MRC1: variants seen among roughly 807,000 people sequenced by gnomAD.
MRC1 encodes the protein macrophage mannose receptor 1.
Under a neutral mutation model 102.9 loss-of-function variants are expected in MRC1, and 62 were observed. The ratio of observed to expected loss-of-function variants is 0.60; its 90% CI spans 0.49 to 0.74. MRC1 has a LOEUF of 0.74. Among genes scored for constraint, MRC1 ranks in the 30% least tolerant of loss-of-function variants. The pLI is 0.00. For missense variants in MRC1, 1,237 were observed against 862.8 expected, an observed-to-expected ratio of 1.43 and a Z score of -5.43; for synonymous variants, 457 against 298.4, an observed-to-expected ratio of 1.53 and a Z score of -5.48.
intron 22 of MRC1, among the ~76,000 whole-genome samples, chr10:17,886,766 G>T (rs1484797408): frequency 1.3e-5 from 2 of 152,156 alleles, no homozygotes; most frequent in African/African-American, 4.8e-5. Flanking sequence ...GTTGAGAAAG[G>T]CCATGTTAGA....
intron 5 of MRC1, among the ~76,000 whole-genome samples, chr10:17,844,902 A>G (rs904733584): frequency 1.7e-4 from 26 of 152,190 alleles, no homozygotes; most frequent in African/African-American, 5.8e-4. Context: ...TGCAAAGGAC[A>G]TGATGATTTC....
intron 4 of MRC1, among the ~76,000 whole-genome samples, chr10:17,838,202 CA>C (rs1248581323): frequency 6.6e-6 from 1 of 152,134 alleles, no homozygotes; most frequent in East Asian, 1.9e-4. Flanking sequence ...CGCTGGTTCC[CA>C]AAGCACTGAT....
chr10:17,837,990 T>C (rs797024133), intron 4 of MRC1, among the ~76,000 whole-genome samples: 6 of 151,740 alleles, frequency 4.0e-5, no homozygotes, highest in Admixed American at 1.3e-4. Context: ...TACATACTAG[T>C]TTCTGGGCTT....
At chr10:17,818,895 G>A (rs1450682688) in intron 1 of MRC1, among the ~76,000 whole-genome samples, 1 of 152,188 alleles carries the variant, frequency 6.6e-6, no homozygotes, top group African/African-American at 2.4e-5. Flanking sequence ...TAATGTGGAA[G>A]TGAGCCTGGA....
At position 17,831,618 on chromosome 10, in the gene MRC1, G is replaced by C. The variant is rs958057991; in HGVS notation, c.638-2057G>C. ...GTAGGCTATGTGCTTATGGAAAATTGCCTAATTTCTTAGTAAATTGAGTAT... is the reference window on the plus strand; with the variant it reads ...GTAGGCTATGTGCTTATGGAAAATTCCCTAATTTCTTAGTAAATTGAGTAT... On this transcript the variant is annotated intron_variant, in intron 3 of 29. Transcript: ENST00000569591. 1.3e-4 allele frequency among the ~76,000 whole-genome samples: 20 copies of C among 151,440 alleles called. 1 individual carries two copies. Among genetic ancestry groups the C allele is most frequent in the African/African-American group, 4.9e-4 (20 of 40,782 alleles).
At chr10:17,819,679 A>G (rs1182992738) in intron 1 of MRC1, among the ~76,000 whole-genome samples, 1 of 152,176 alleles carries the variant, frequency 6.6e-6, no homozygotes, top group Non-Finnish European at 1.5e-5. Context: ...GAGGTGGCCC[A>G]TGCCTGTAAT....
chr10:17,825,858 G>T (rs988425698), intron 2 of MRC1, among the ~76,000 whole-genome samples: 2 of 152,164 alleles, frequency 1.3e-5, no homozygotes, highest in Admixed American at 1.3e-4. Flanking sequence ...TCCTTTGTAC[G>T]AAGAAACAGT....
intron 25 of MRC1, 62 bp from the exon 26 acceptor site, chr10:17,901,911 T>C: frequency 1.3e-6 from 1 of 780,456 alleles, no homozygotes; most frequent in Non-Finnish European, 2.4e-6. Context: ...TGCTAATGTA[T>C]GATGCTACAC....
At chr10:17,894,542 G>GGCACACAC (rs1183374681) in intron 23 of MRC1, among the ~76,000 whole-genome samples, 1 of 151,618 alleles carries the variant, frequency 6.6e-6, no homozygotes, top group Non-Finnish European at 1.5e-5. Flanking sequence ...TGGGATTACA[G>GGCACACAC]GCACACACCA....
At chr10:17,869,735 G>A (rs1833327961) in intron 12 of MRC1, among the ~76,000 whole-genome samples, 2 of 152,124 alleles carry the variant, frequency 1.3e-5, no homozygotes, top group African/African-American at 4.8e-5. Context: ...AATACAAGGC[G>A]GTATTGAAGG....
intron 15 of MRC1, among the ~76,000 whole-genome samples, chr10:17,872,787 A>G (rs1210778198): frequency 6.6e-6 from 1 of 152,222 alleles, no homozygotes; most frequent in Admixed American, 6.5e-5. Context: ...TTCTAATGTT[A>G]AGAGAAACCA....
chr10:17,909,699 GT>G (rs1833943765), intron 29 of MRC1, among the ~76,000 whole-genome samples: 1 of 148,696 alleles, frequency 6.7e-6, no homozygotes, highest in Non-Finnish European at 1.5e-5. Context: ...CTTGAATTAG[GT>G]AACTGATTTC....
intron 4 of MRC1, among the ~76,000 whole-genome samples, chr10:17,835,494 T>G (rs1342625603): frequency 6.6e-6 from 1 of 152,030 alleles, no homozygotes; most frequent in Non-Finnish European, 1.5e-5. Flanking sequence ...AGGTACCAAT[T>G]ATAATAAGTC....
intron 10 of MRC1, among the ~76,000 whole-genome samples, chr10:17,861,991 T>G (rs1442112995): frequency 1.3e-5 from 2 of 152,212 alleles, no homozygotes; most frequent in East Asian, 3.8e-4. Flanking sequence ...GAGGAGCTTA[T>G]GTAATTTTTT....
intron 1 of MRC1, among the ~76,000 whole-genome samples, chr10:17,810,825 T>C (rs1838209342): frequency 6.6e-6 from 1 of 152,210 alleles, no homozygotes; most frequent in African/African-American, 2.4e-5. Flanking sequence ...CAGATTCTCA[T>C]TTTGTTGCCC....
intron 20 of MRC1, 139 bp downstream of exon 20, chr10:17,880,809 A>C: frequency 1.3e-6 from 1 of 752,060 alleles, no homozygotes; most frequent in South Asian, 1.5e-5. Context: ...CGCGTGACAA[A>C]CTCTTTATGG....
Position 17,830,535 on chromosome 10 carries a change from C to T in MRC1, c.637+2820C>T, listed in dbSNP as rs1023776568. Among the ~76,000 whole-genome samples the T allele has an allele frequency of 3.3e-5, 5 of 151,400 alleles. No individual in the cohort carries two copies. In the East Asian group the frequency reaches 7.7e-4, roughly 23 times the overall value. ...CACTTAGTAGATGCTCTCCATTGTC[C>T]GTTGCATTGTTTATTGTAATGCTTT... On this transcript the variant is annotated intron_variant, in intron 3 of 29. Transcript: ENST00000569591.
In MRC1 at chr10:17,866,594, G is replaced by C. The variant is rs200635754; in HGVS notation, c.1816G>C (p.Gly606Arg). The C allele has an allele frequency of 2.6e-6, 2 of 780,818 alleles. No individual in the cohort carries two copies. Among genetic ancestry groups the C allele is most frequent in the South Asian group, 1.3e-5 (1 of 74,618 alleles). 48.4% of individuals were successfully genotyped at this position (780,818 alleles called of 1,614,324 possible). ...RKPGCVAMRT[G>R]IAGGLWDVLK... ...GCCAGGGTGTGTTGCCATGAGAACC[G>C]GGATTGCAGGGGGCTTATGGGATGT... The change falls in exon 12 of 30, where the codon GGG becomes CGG. Residue 606 changes from glycine to arginine, a missense_variant. Physicochemically the swap from Gly to Arg is moderately radical, Grantham distance 125. Coordinates refer to ENST00000569591, the MANE Select transcript of MRC1 (RefSeq NM_002438.4).
rs1380502811 is a variant in MRC1 at position 17,830,352 on chromosome 10, G to C, written c.637+2637G>C. 1.3e-5 allele frequency among the ~76,000 whole-genome samples: 2 copies of C among 151,146 alleles called. 1 individual carries two copies. The highest frequency in any genetic ancestry group is 4.9e-5 in the African/African-American group (2 of 40,518). On this transcript the variant is annotated intron_variant, in intron 3 of 29. Coordinates refer to ENST00000569591, the MANE Select transcript of MRC1 (RefSeq NM_002438.4). ...TCACCATGTTGCCCAGGCTGGTCTC[G>C]AACTCCTGACCTCAAATGATCCACC...
Sources: gnomAD v4.1 joint callset for allele counts (sites outside exome capture counted in the v4.1 genomes callset) on GRCh38, gnomAD v4.1.1 for gene constraint, MANE v1.5 for transcripts, NCBI Gene and HGNC (gene_info 2026-07-23, HGNC 2026-07-21) for gene names.